The following COPS7A variants were observed in gnomAD, a reference collection of about 807,000 sequenced individuals.
The protein encoded by COPS7A is COP9 signalosome complex subunit 7a.
Under a neutral mutation model 35.2 loss-of-function variants are expected in COPS7A, and 20 were observed. The observed-to-expected ratio is 0.57, with a 90% confidence interval of 0.40 to 0.83. COPS7A has a LOEUF of 0.83. COPS7A is among the 40% of genes least tolerant of loss of function. COPS7A has a pLI of 0.00. For synonymous variants in COPS7A, 139 were observed against 141.4 expected, an observed-to-expected ratio of 0.98 and a Z score of 0.12; for missense variants, 247 against 347.5, an observed-to-expected ratio of 0.71 and a Z score of 2.30.
chr12:6,727,687 C>T (rs1462404525), intron 2 of COPS7A: 2 of 645,118 alleles, frequency 3.1e-6, no homozygotes, highest in South Asian at 3.0e-5. Context: ...AATTGGATGA[C>T]GTATGGAGCA....
intron 7 of COPS7A, 39 bp downstream of exon 7, chr12:6,730,859 C>T: frequency 1.2e-6 from 2 of 1,610,162 alleles, no homozygotes; most frequent in Non-Finnish European, 1.7e-6. Flanking sequence ...TTGCAGGGTG[C>T]CCTGCTTTTA....
rs373756883 is a variant in COPS7A, at chr12:6,728,211, G to A, written c.239-12G>A. ...AAATCAGGATTCCTTACACTTTGTC[G>A]TTTTTCCCTAGCTGAAGCCCGGAAT... On this transcript the variant is annotated splice_polypyrimidine_tract_variant and intron_variant, in intron 3 of 7. Transcript: ENST00000543155. 44 of 1,613,192 alleles carry A rather than the reference G, an allele frequency of 2.7e-5. No individual in the cohort carries two copies. The highest frequency in any genetic ancestry group is 3.0e-5 in the Non-Finnish European group (35 of 1,179,412).
intron 4 of COPS7A, 94 bp downstream of exon 4, chr12:6,728,405 G>A (rs947583379): frequency 1.4e-5 from 14 of 993,768 alleles, no homozygotes; most frequent in Non-Finnish European, 2.1e-5. Context: ...GACCGTGGCT[G>A]CTTCCTGCCC....
rs1249309027 is a variant in COPS7A at position 6,730,673 on chromosome 12, C to T, written c.641C>T (p.Ala214Val). The change falls in exon 7 of 8, where the codon GCC (alanine) becomes GTC (valine). Residue 214 changes from alanine to valine, a missense_variant. Coordinates refer to ENST00000543155, the MANE Select transcript of COPS7A (RefSeq NM_001164094.2). ...GLKQQIESEV[A>V]NLKKTIKVTT... is the part of the protein sequence containing the mutation. The stretch of plus-strand genomic sequence containing the variant: ...CCATTCCTTTCATCCTGGTAGGTTG[C>T]CAACCTTAAAAAAACCATTAAAGTT... 1.9e-6 allele frequency: 3 copies of T among 1,613,972 alleles called. No individual in the cohort carries two copies. Among genetic ancestry groups the T allele is most frequent in the Non-Finnish European group, 2.5e-6 (3 of 1,180,010 alleles).
rs767870060 is a variant in COPS7A, at chr12:6,730,360, C to T, written c.531-42C>T. On this transcript the variant is annotated intron_variant, in intron 5 of 7. Transcript: ENST00000543155. Reference sequence around the variant, plus strand: ...TCAGTTTTCTGTGAGTCTGTGATCGCAGCCCTTGTCTGCTGACACTTCTCT... The same window carrying T: ...TCAGTTTTCTGTGAGTCTGTGATCGTAGCCCTTGTCTGCTGACACTTCTCT... The T allele has an allele frequency of 1.9e-6, 3 of 1,585,690 alleles. No homozygotes were observed. The Admixed American group carries it at 5.0e-5, about 26-fold the overall frequency.
intron 6 of COPS7A, 78 bp from the exon 7 acceptor site, chr12:6,730,591 G>A: frequency 1.9e-6 from 3 of 1,610,794 alleles, no homozygotes; most frequent in South Asian, 2.2e-5. Context: ...GACAGTGGCT[G>A]TAGCAGACAA....
Position 6,730,383 on chromosome 12 carries a change from T to G in COPS7A, c.531-19T>G. The G allele has an allele frequency of 6.2e-7, 1 of 1,612,320 alleles. No individual in the cohort carries two copies. Among genetic ancestry groups the G allele is most frequent in the Admixed American group, 1.7e-5 (1 of 60,006 alleles). ...CGCAGCCCTTGTCTGCTGACACTTCTCTCCCCTGACTCCTGCAGGTGTGTG... is the reference window on the plus strand; with the variant it reads ...CGCAGCCCTTGTCTGCTGACACTTCGCTCCCCTGACTCCTGCAGGTGTGTG... On this transcript the variant is annotated intron_variant, in intron 5 of 7. Coordinates refer to ENST00000543155, the MANE Select transcript of COPS7A (RefSeq NM_001164094.2).
In COPS7A at chr12:6,731,057, C is replaced by T. The variant is rs749656456; in HGVS notation, c.*18C>T. On this transcript the variant is annotated 3_prime_UTR_variant, in exon 8 of 8. Coordinates refer to ENST00000543155, the MANE Select transcript of COPS7A (RefSeq NM_001164094.2). ...CGAATTGAAAGGACTGTCGTTTCCTCCCTGGGGATGTGGGGTCCCAGCTGC... is the reference window on the plus strand; with the variant it reads ...CGAATTGAAAGGACTGTCGTTTCCTTCCTGGGGATGTGGGGTCCCAGCTGC... 3.1e-6 allele frequency: 5 copies of T among 1,614,054 alleles called. No homozygotes were observed. Among genetic ancestry groups the T allele is most frequent in the East Asian group, 2.2e-5 (1 of 44,856 alleles).
rs1188985630 is a variant in COPS7A at position 6,724,067 on chromosome 12, G to A, written c.-156G>A. ...GTTTAGTGGCCAGAGCGACTCTTCAGGGAGGTGGCAGGAAAGGCTTGGAAC... is the reference window on the plus strand; with the variant it reads ...GTTTAGTGGCCAGAGCGACTCTTCAAGGAGGTGGCAGGAAAGGCTTGGAAC... On this transcript the variant is annotated 5_prime_UTR_variant, in exon 1 of 8. Coordinates refer to ENST00000543155, the MANE Select transcript of COPS7A (RefSeq NM_001164094.2). The A allele has an allele frequency of 8.9e-6, 2 of 223,534 alleles. No individual in the cohort carries two copies. The highest frequency in any genetic ancestry group is 1.8e-5 in the Non-Finnish European group (2 of 108,630). The allele number at this position is 223,534 out of a possible 1,614,324, so 13.8% of individuals were successfully genotyped here.
In COPS7A at chr12:6,724,792, C is replaced by G; in HGVS notation, c.136C>G (p.Leu46Val). ...CCCTGGTGTCTACGTGTTTGGAGAA[C>G]TGCTGGACATGCCCAATGTTAGAGA... Reference protein sequence around the residue: ...EAPGVYVFGELLDMPNVRELA... With the variant: ...EAPGVYVFGEVLDMPNVRELA... Residue 46 changes from leucine to valine, a missense_variant, in exon 2 of 8, where the codon CTG (leucine) becomes GTG (valine). Leu to Val is a conservative substitution (Grantham distance 32). Coordinates refer to ENST00000543155, the MANE Select transcript of COPS7A (RefSeq NM_001164094.2). The G allele has an allele frequency of 1.2e-6, 2 of 1,614,158 alleles. No individual in the cohort carries two copies. The highest frequency in any genetic ancestry group is 1.7e-6 in the Non-Finnish European group (2 of 1,180,032).
intron 2 of COPS7A, among the ~76,000 whole-genome samples, chr12:6,727,336 C>CAAA (rs11411867): frequency 1.0e-3 from 90 of 87,918 alleles, no homozygotes; most frequent in Middle Eastern, 7.8e-3. Context: ...GACTCTGTCT[C>CAAA]AAAAAAAAAA....
At position 6,729,426 on chromosome 12, in the gene COPS7A, C is replaced by T. The variant is rs755309154; in HGVS notation, c.507C>T (p.Ala169=). ...GRDIQRQDLS[A]IARTLQEWCV... is the part of the protein sequence containing the mutation. ...ACATCCAGCGCCAGGACCTCAGTGC[C>T]ATTGCCCGAACCCTGCAGGAATGGT... The change falls in exon 5 of 8, where the codon GCC becomes GCT. Residue 169 remains alanine, a synonymous_variant. Coordinates refer to ENST00000543155, the MANE Select transcript of COPS7A (RefSeq NM_001164094.2). The surrounding 1 kb of genome is among the most constrained non-coding windows in gnomAD (Gnocchi z 4.2). The T allele has an allele frequency of 1.2e-6, 2 of 1,613,958 alleles. No homozygotes were observed. The highest frequency in any genetic ancestry group is 3.3e-5 in the Admixed American group (2 of 60,000).
intron 2 of COPS7A, chr12:6,725,954 G>T: frequency 2.2e-6 from 1 of 454,598 alleles, no homozygotes; most frequent in Middle Eastern, 3.2e-4. Context: ...ACTTTGGAAG[G>T]CCAAGGCAGG....
Position 6,729,498 on chromosome 12 carries a change from A to G in COPS7A, c.530+49A>G. 6.3e-7 allele frequency: 1 copy of G among 1,579,634 alleles called. No homozygotes were observed. Among genetic ancestry groups the G allele is most frequent in the Non-Finnish European group, 8.6e-7 (1 of 1,162,656 alleles). On this transcript the variant is annotated intron_variant, in intron 5 of 7. Transcript: ENST00000543155. The surrounding 1 kb of genome is among the most constrained non-coding windows in gnomAD (Gnocchi z 4.2). Reference sequence around the variant, plus strand: ...TCCCCTTCTCACCCTGAGAAAGAGAAAGGCGCTTCAGGGTGAGAGAGGGCA... The same window carrying G: ...TCCCCTTCTCACCCTGAGAAAGAGAGAGGCGCTTCAGGGTGAGAGAGGGCA...
At chr12:6,725,418 A>G (rs559101617) in intron 2 of COPS7A, among the ~76,000 whole-genome samples, 2 of 152,100 alleles carry the variant, frequency 1.3e-5, no homozygotes, top group South Asian at 2.1e-4. Context: ...TGACCTCCCA[A>G]GGTGCTGGGA....
chr12:6,725,399 C>T lies in COPS7A; in HGVS notation c.162+581C>T, dbSNP rs539593861. ...ATCTCGATCTCCTGACCTCGTGATCCGCCCGCCTTGACCTCCCAAGGTGCT... is the reference window on the plus strand; with the variant it reads ...ATCTCGATCTCCTGACCTCGTGATCTGCCCGCCTTGACCTCCCAAGGTGCT... On this transcript the variant is annotated intron_variant, in intron 2 of 7. Coordinates refer to ENST00000543155, the MANE Select transcript of COPS7A (RefSeq NM_001164094.2). Among the ~76,000 whole-genome samples, 12 of 152,144 alleles carry T rather than the reference C, an allele frequency of 7.9e-5. No homozygotes were observed. In the South Asian group the frequency reaches 1.7e-3, roughly 21 times the overall value.
In COPS7A at chr12:6,729,685, A is replaced by G. The variant is rs1941344523; in HGVS notation, c.530+236A>G. ...TTGGGGGAGGAAAAGGGAGTGGTAT[A>G]CTTAAGGGGATCCTAACCAGCAAGG... is the stretch of plus-strand genomic sequence containing the variant. On this transcript the variant is annotated intron_variant, in intron 5 of 7. Coordinates refer to ENST00000543155, the MANE Select transcript of COPS7A (RefSeq NM_001164094.2). This position sits in a 1 kb window ranked among gnomAD's most constrained non-coding sequence, Gnocchi z 4.2. Among the ~76,000 whole-genome samples, 1 of 152,162 alleles carries G rather than the reference A, an allele frequency of 6.6e-6. No homozygotes were observed. Among genetic ancestry groups the G allele is most frequent in the South Asian group, 2.1e-4 (1 of 4,832 alleles).
chr12:6,730,123 C>T (rs1941355035), intron 5 of COPS7A, among the ~76,000 whole-genome samples: 1 of 152,192 alleles, frequency 6.6e-6, no homozygotes, highest in Non-Finnish European at 1.5e-5. Flanking sequence ...CTCAAGCCAC[C>T]CTCCACCTCA....
At chr12:6,730,976 CTT>C (rs1941379436) in intron 7 of COPS7A, 22 bp from the exon 8 acceptor site, 2 of 1,602,164 alleles carry the variant, frequency 1.2e-6, no homozygotes, top group Non-Finnish European at 1.7e-6. Context: ...CTCTCTCTCT[CTT>C]TCTCTCTCTT....
Sources: allele counts gnomAD v4.1 joint callset (sites outside exome capture counted in the v4.1 genomes callset), GRCh38; gene constraint gnomAD v4.1.1; non-coding constraint Gnocchi (gnomAD v3.1); transcripts MANE v1.5; gene names NCBI Gene and HGNC (gene_info 2026-07-23, HGNC 2026-07-21).